Variants in LSM8 observed in about 807,000 individuals in gnomAD.
LSM8 encodes the protein LSM8 U6 small nuclear RNA associated.
LSM8 carries 14 observed loss-of-function variants against 15.0 expected under a neutral mutation model. That is an observed-to-expected ratio of 0.93 (90% CI 0.62 to 1.46). LSM8 has a LOEUF of 1.46. Ranked by LOEUF, LSM8 falls within the 40% of genes most tolerant of loss-of-function variation. LSM8 has a pLI of 0.00. For missense variants in LSM8, 90 were observed against 115.4 expected (o/e 0.78, Z 1.01); for synonymous variants, 50 against 42.1 (o/e 1.19, Z -0.73).
chr7:118,201,271 A>G lies in LSM8; in HGVS notation c.*9269A>G, dbSNP rs1809169452. On this transcript the variant is annotated 3_prime_UTR_variant, in exon 4 of 4. Transcript: ENST00000249299. ...TCCTTTATATTAAAGAAGAGGAGAAAATCTTAATACTAAGTATGTGTGAGC... is the reference window on the plus strand; with the variant it reads ...TCCTTTATATTAAAGAAGAGGAGAAGATCTTAATACTAAGTATGTGTGAGC... 6.6e-6 allele frequency among the ~76,000 whole-genome samples: 1 copy of G among 152,036 alleles called. No homozygotes were observed. The highest frequency in any genetic ancestry group is 2.4e-5 in the African/African-American group (1 of 41,418).
chr7:118,188,679 T>C (rs1478958199), intron 3 of LSM8: 1 of 241,612 alleles, frequency 4.1e-6, no homozygotes, highest in Non-Finnish European at 8.0e-6. Context: ...TTAAGTAGCC[T>C]GGGTAGAGTC....
rs199586481 is a variant in LSM8, at chr7:118,203,258, TG to T, written c.*11260del. Among the ~76,000 whole-genome samples, 770 of 152,054 alleles carry T rather than the reference TG, an allele frequency of 5.1e-3. 6 individuals are homozygous for T. The highest frequency in any genetic ancestry group is 0.017 in the African/African-American group (710 of 41,536). ...AAATGCTTATATGAGAACAGAATTATGGGGCACTCTGAATACTAATTTAAGA... is the reference window on the plus strand; with the variant it reads ...AAATGCTTATATGAGAACAGAATTATGGGCACTCTGAATACTAATTTAAGA... On this transcript the variant is annotated 3_prime_UTR_variant, in exon 4 of 4. Coordinates refer to ENST00000249299, the MANE Select transcript of LSM8 (RefSeq NM_016200.5).
In LSM8 at chr7:118,197,483, AAACTCATT is replaced by A. The variant is rs67671503; in HGVS notation, c.*5486_*5493del. ...TGATTATAATAAATCATACTCTAGA[AAACTCATT>A]AACTGATACAAGTTGCCAGAAAATG... On this transcript the variant is annotated 3_prime_UTR_variant, in exon 4 of 4. Transcript: ENST00000249299. Among the ~76,000 whole-genome samples, 2 of 152,174 alleles carry A rather than the reference AAACTCATT, an allele frequency of 1.3e-5. No individual in the cohort carries two copies. Among genetic ancestry groups the A allele is most frequent in the African/African-American group, 2.4e-5 (1 of 41,436 alleles).
In LSM8 at chr7:118,199,261, T is replaced by C. The variant is rs901193455; in HGVS notation, c.*7259T>C. Among the ~76,000 whole-genome samples, 3 of 152,148 alleles carry C rather than the reference T, an allele frequency of 2.0e-5. No individual in the cohort carries two copies. The highest frequency in any genetic ancestry group is 7.2e-5 in the African/African-American group (3 of 41,428). ...CCCCCAACTCACTATCTAAATAAAA[T>C]TTTCATTGAAAATTAGTGAGAAGGG... is the stretch of plus-strand genomic sequence containing the variant. On this transcript the variant is annotated 3_prime_UTR_variant, in exon 4 of 4. Coordinates refer to ENST00000249299, the MANE Select transcript of LSM8 (RefSeq NM_016200.5).
At position 118,196,642 on chromosome 7, in the gene LSM8, G is replaced by C. The variant is rs1809081145; in HGVS notation, c.*4640G>C. Among the ~76,000 whole-genome samples, 2 of 146,684 alleles carry C rather than the reference G, an allele frequency of 1.4e-5. No individual in the cohort carries two copies. Among genetic ancestry groups the C allele is most frequent in the Non-Finnish European group, 3.0e-5 (2 of 65,782 alleles). On this transcript the variant is annotated 3_prime_UTR_variant, in exon 4 of 4. Coordinates refer to ENST00000249299, the MANE Select transcript of LSM8 (RefSeq NM_016200.5). Reference sequence around the variant, plus strand: ...AACTCAATTTTTGTGTTAGTTTTTTGTTATGCCTTTTCATTTCCTTCTTTT... The same window carrying C: ...AACTCAATTTTTGTGTTAGTTTTTTCTTATGCCTTTTCATTTCCTTCTTTT...
Position 118,200,182 on chromosome 7 carries a change from G to C in LSM8, c.*8180G>C, listed in dbSNP as rs914221688. Among the ~76,000 whole-genome samples, 29 of 152,124 alleles carry C rather than the reference G, an allele frequency of 1.9e-4. No homozygotes were observed. Among genetic ancestry groups the C allele is most frequent in the Non-Finnish European group, 2.1e-4 (14 of 68,016 alleles). On this transcript the variant is annotated 3_prime_UTR_variant, in exon 4 of 4. Transcript: ENST00000249299. ...TCCAAATATAAACAACCTAAGCATT[G>C]TGCAGTAGCCATGAGGGACTAGGTA...
rs1448850130 is a variant in LSM8, at chr7:118,202,358, G to A, written c.*10356G>A. ...TATCTCGAGAGAAAAGAACAGAAAA[G>A]TGAAAAGCAAGGCAGTTCAGACTGG... On this transcript the variant is annotated 3_prime_UTR_variant, in exon 4 of 4. Coordinates refer to ENST00000249299, the MANE Select transcript of LSM8 (RefSeq NM_016200.5). 1.3e-5 allele frequency among the ~76,000 whole-genome samples: 2 copies of A among 151,918 alleles called. No individual in the cohort carries two copies. The highest frequency in any genetic ancestry group is 4.8e-5 in the African/African-American group (2 of 41,408).
Position 118,192,219 on chromosome 7 carries a change from A to G in LSM8, c.*217A>G, listed in dbSNP as rs577431014. The stretch of plus-strand genomic sequence containing the variant: ...TAGCTTGGTTTCTTTTTTTTATTAA[A>G]TAGTGTGAAAATATAATGGGCATTT... On this transcript the variant is annotated 3_prime_UTR_variant, in exon 4 of 4. Transcript: ENST00000249299. 8.1e-6 allele frequency: 3 copies of G among 368,832 alleles called. No homozygotes were observed. Among genetic ancestry groups the G allele is most frequent in the South Asian group, 5.7e-5 (1 of 17,568 alleles). The allele number at this position is 368,832 out of a possible 1,614,324, so 22.8% of individuals were successfully genotyped here. A position where few individuals can be genotyped will look rare whatever the true frequency, so the allele number is the denominator to read the frequency against.
intron 3 of LSM8, 138 bp from the exon 4 acceptor site, chr7:118,191,774 C>A: frequency 1.6e-6 from 1 of 622,850 alleles, no homozygotes. Context: ...TGCTTTTTAC[C>A]TTAATTCTTT....
chr7:118,184,572 T>G, intron 1 of LSM8: 1 of 252,616 alleles, frequency 4.0e-6, no homozygotes, highest in South Asian at 1.3e-4. Context: ...TTAAAGTTTG[T>G]GAATAAGATG....
chr7:118,201,344 A>G lies in LSM8; in HGVS notation c.*9342A>G, dbSNP rs2115945219. On this transcript the variant is annotated 3_prime_UTR_variant, in exon 4 of 4. Coordinates refer to ENST00000249299, the MANE Select transcript of LSM8 (RefSeq NM_016200.5). ...AGAGAGAGTCTCCTAGTTGATACCA[A>G]CTCAGGAAAGCAGAATCAAGCAATA... 6.6e-6 allele frequency among the ~76,000 whole-genome samples: 1 copy of G among 152,052 alleles called. No homozygotes were observed. Among genetic ancestry groups the G allele is most frequent in the South Asian group, 2.1e-4 (1 of 4,820 alleles).
Position 118,202,564 on chromosome 7 carries a change from C to A in LSM8, c.*10562C>A, listed in dbSNP as rs1809188031. Among the ~76,000 whole-genome samples the A allele has an allele frequency of 6.6e-6, 1 of 151,986 alleles. No individual in the cohort carries two copies. Among genetic ancestry groups the A allele is most frequent in the African/African-American group, 2.4e-5 (1 of 41,424 alleles). On this transcript the variant is annotated 3_prime_UTR_variant, in exon 4 of 4. Coordinates refer to ENST00000249299, the MANE Select transcript of LSM8 (RefSeq NM_016200.5). ...AAAATAAATGCTTTCCCAACTATAA[C>A]CAGCAGACTATACTGGCAAAATATA... is the stretch of plus-strand genomic sequence containing the variant.
rs748513915 is a variant in LSM8 at position 118,195,706 on chromosome 7, T to G, written c.*3704T>G. Among the ~76,000 whole-genome samples the G allele has an allele frequency of 6.6e-6, 1 of 152,184 alleles. No homozygotes were observed. Among genetic ancestry groups the G allele is most frequent in the African/African-American group, 2.4e-5 (1 of 41,444 alleles). On this transcript the variant is annotated 3_prime_UTR_variant, in exon 4 of 4. Coordinates refer to ENST00000249299, the MANE Select transcript of LSM8 (RefSeq NM_016200.5). ...TTGTATAGTCATTACCTCATATAGA[T>G]TTAATTTTATTAAATTAAATTTTAC... is the stretch of plus-strand genomic sequence containing the variant.
intron 1 of LSM8, chr7:118,184,877 G>A (rs963304691): frequency 6.6e-6 from 1 of 152,126 alleles, no homozygotes; most frequent in African/African-American, 2.4e-5. Flanking sequence ...GTACAAACTG[G>A]GTGACAAAAA....
rs1311952571 is a variant in LSM8, at chr7:118,203,548, G to T, written c.*11546G>T. ...AGGATAATTGAGTTTCAATGGGCAAGAATTTTTATATCATGATTTTACCAC... is the reference window on the plus strand; with the variant it reads ...AGGATAATTGAGTTTCAATGGGCAATAATTTTTATATCATGATTTTACCAC... On this transcript the variant is annotated 3_prime_UTR_variant, in exon 4 of 4. Coordinates refer to ENST00000249299, the MANE Select transcript of LSM8 (RefSeq NM_016200.5). 4.0e-5 allele frequency among the ~76,000 whole-genome samples: 6 copies of T among 151,800 alleles called. No homozygotes were observed. The highest frequency in any genetic ancestry group is 1.2e-4 in the African/African-American group (5 of 41,490).
At position 118,194,584 on chromosome 7, in the gene LSM8, A is replaced by G. The variant is rs559397981; in HGVS notation, c.*2582A>G. Among the ~76,000 whole-genome samples, 10 of 152,276 alleles carry G rather than the reference A, an allele frequency of 6.6e-5. 1 individual carries two copies. In the South Asian group the frequency reaches 1.9e-3, roughly 28 times the overall value. ...CATCCTTCGGAATTTTTAAGGTAAT[A>G]ATGTGAGATATAAGTATGATAAAAA... On this transcript the variant is annotated 3_prime_UTR_variant, in exon 4 of 4. Transcript: ENST00000249299.
chr7:118,196,678 CT>C lies in LSM8; in HGVS notation c.*4685del, dbSNP rs911768571. On this transcript the variant is annotated 3_prime_UTR_variant, in exon 4 of 4. Transcript: ENST00000249299. ...TCATTTCCTTCTTTTTTTAATGTTT[CT>C]TTTTTTTTAAGTCCTTTAATTTTTA... Among the ~76,000 whole-genome samples the C allele has an allele frequency of 4.9e-4, 71 of 145,904 alleles. No individual in the cohort carries two copies. The highest frequency in any genetic ancestry group is 1.4e-3 in the African/African-American group (57 of 39,954).
chr7:118,194,126 CA>C lies in LSM8; in HGVS notation c.*2126del, dbSNP rs1809035916. Among the ~76,000 whole-genome samples, 2 of 152,072 alleles carry C rather than the reference CA, an allele frequency of 1.3e-5. No homozygotes were observed. The highest frequency in any genetic ancestry group is 1.3e-4 in the Admixed American group (2 of 15,262). On this transcript the variant is annotated 3_prime_UTR_variant, in exon 4 of 4. Coordinates refer to ENST00000249299, the MANE Select transcript of LSM8 (RefSeq NM_016200.5). Reference sequence around the variant, plus strand: ...TTGCATGAGAATTGTAAGGGAGCCACAACCATGAGTAGTAACATAATTAATA... The same window carrying C: ...TTGCATGAGAATTGTAAGGGAGCCACACCATGAGTAGTAACATAATTAATA...
In LSM8 at chr7:118,202,852, T is replaced by C. The variant is rs956122830; in HGVS notation, c.*10850T>C. Among the ~76,000 whole-genome samples the C allele has an allele frequency of 3.9e-5, 6 of 151,992 alleles. No homozygotes were observed. Among genetic ancestry groups the C allele is most frequent in the African/African-American group, 7.2e-5 (3 of 41,432 alleles). ...ACAGAATTCTTTTTTATCTCTGATATAAAATGCAGAATATGAATTTTAATA... is the reference window on the plus strand; with the variant it reads ...ACAGAATTCTTTTTTATCTCTGATACAAAATGCAGAATATGAATTTTAATA... On this transcript the variant is annotated 3_prime_UTR_variant, in exon 4 of 4. Transcript: ENST00000249299.
Sources: allele counts gnomAD v4.1 joint callset (sites outside exome capture counted in the v4.1 genomes callset), GRCh38; gene constraint gnomAD v4.1.1; transcripts MANE v1.5; gene names NCBI Gene and HGNC (gene_info 2026-07-23, HGNC 2026-07-21).